Variants in STPG4 observed in about 807,000 individuals in gnomAD.
STPG4 encodes protein STPG4.
A neutral mutation model predicts 31.5 loss-of-function variants in STPG4; 41 were observed. The observed-to-expected ratio is 1.30, with a 90% CI of 1.01 to 1.69. The LOEUF (loss-of-function observed/expected upper bound fraction) is 1.69. Among genes scored for constraint, STPG4 ranks in the 40% most tolerant of loss-of-function variants. The pLI, the probability that STPG4 is intolerant of heterozygous loss-of-function variation, is 0.00. For synonymous variants in STPG4, 141 were observed against 103.0 expected, an observed-to-expected ratio of 1.37 and a Z score of -2.24; for missense variants, 375 against 293.4, an observed-to-expected ratio of 1.28 and a Z score of -2.03.
intron 3 of STPG4, among the ~76,000 whole-genome samples, chr2:47,142,623 C>G (rs1030423793): frequency 2.6e-5 from 4 of 152,094 alleles, no homozygotes; most frequent in Admixed American, 6.5e-5. Flanking sequence ...TGCTCCCTAT[C>G]TAACCTCTAC....
chr2:47,149,732 T>C (rs1286106446), intron 3 of STPG4, among the ~76,000 whole-genome samples: 2 of 152,258 alleles, frequency 1.3e-5, no homozygotes, highest in African/African-American at 4.8e-5. Context: ...GTTATGAAGA[T>C]TGATACTGTT....
At chr2:47,148,694 C>A (rs776592393) in intron 3 of STPG4, among the ~76,000 whole-genome samples, 2 of 152,130 alleles carry the variant, frequency 1.3e-5, no homozygotes, top group Admixed American at 1.3e-4. Context: ...CCCAACTCCA[C>A]GACAGGCTCC....
intron 1 of STPG4, among the ~76,000 whole-genome samples, chr2:47,154,289 C>T (rs1449135068): frequency 6.6e-5 from 10 of 152,146 alleles, no homozygotes; most frequent in Non-Finnish European, 1.5e-5. Flanking sequence ...TACTTCTTCG[C>T]GAGATTTATG....
chr2:47,136,702 T>C (rs1424218402), intron 3 of STPG4, among the ~76,000 whole-genome samples: 1 of 152,220 alleles, frequency 6.6e-6, no homozygotes, highest in African/African-American at 2.4e-5. Flanking sequence ...TTACAATTTC[T>C]AGCCAAATGT....
rs35754025 is a variant in STPG4, at chr2:47,139,401, T to C, written c.400-9141A>G. 7.8e-3 allele frequency among the ~76,000 whole-genome samples: 585 copies of C among 74,836 alleles called. 3 individuals are homozygous for C. The highest frequency in any genetic ancestry group is 0.021 in the Admixed American group (98 of 4,720). 49.1% of individuals were successfully genotyped at this position (74,836 alleles called of 152,430 possible). ...TGTTTGAAACTAATATAGCTTCTCC[T>C]GCTTTATTTTTTTTTTTTCAATTTG... On this transcript the variant is annotated intron_variant, in intron 3 of 6. Coordinates refer to ENST00000445927, the MANE Select transcript of STPG4 (RefSeq NM_001163561.2).
At position 47,151,068 on chromosome 2, in the gene STPG4, T is replaced by TGTTATAGGG. The variant is rs1484356210; in HGVS notation, c.399+181_399+189dup. 2.0e-5 allele frequency among the ~76,000 whole-genome samples: 3 copies of TGTTATAGGG among 152,120 alleles called. No homozygotes were observed. In the East Asian group the frequency reaches 5.8e-4, roughly 29 times the overall value. On this transcript the variant is annotated intron_variant, in intron 3 of 6. Coordinates refer to ENST00000445927, the MANE Select transcript of STPG4 (RefSeq NM_001163561.2). ...ATGTACTCCCCTTAGGTTAAGAAGA[T>TGTTATAGGG]GTTATAGGGAAAAATCTTACTGGAA...
At chr2:47,092,363 C>G (rs58263185) in intron 5 of STPG4, among the ~76,000 whole-genome samples, 57,328 of 145,908 alleles carry the variant, frequency 0.39, 12,439 homozygotes, top group Middle Eastern at 0.54. Context: ...GACCTTGTCT[C>G]TAAAAAATAT....
intron 3 of STPG4, among the ~76,000 whole-genome samples, chr2:47,133,813 G>A (rs1368295519): frequency 6.6e-6 from 1 of 151,914 alleles, no homozygotes; most frequent in Non-Finnish European, 1.5e-5. Context: ...CCGACCTCAG[G>A]TGATCCACCC....
At chr2:47,134,227 A>C (rs1013266967) in intron 3 of STPG4, among the ~76,000 whole-genome samples, 1 of 152,226 alleles carries the variant, frequency 6.6e-6, no homozygotes, top group Admixed American at 6.5e-5. Context: ...CTCAAAGTCC[A>C]TATGTTACAT....
chr2:47,149,419 A>C (rs937109315), intron 3 of STPG4, among the ~76,000 whole-genome samples: 5 of 152,236 alleles, frequency 3.3e-5, no homozygotes, highest in Non-Finnish European at 7.3e-5. Context: ...TTTGCATTTG[A>C]GATAGCCAGA....
intron 3 of STPG4, among the ~76,000 whole-genome samples, chr2:47,134,743 T>TA (rs1401920908): frequency 3.3e-5 from 5 of 152,306 alleles, no homozygotes; most frequent in Admixed American, 2.0e-4. Context: ...TGCTGGATCT[T>TA]ATGTAAGAGT....
At position 47,128,692 on chromosome 2, in the gene STPG4, C is replaced by T. The variant is rs376302405; in HGVS notation, c.519+1249G>A. On this transcript the variant is annotated intron_variant, in intron 5 of 6. Coordinates refer to ENST00000445927, the MANE Select transcript of STPG4 (RefSeq NM_001163561.2). Reference sequence around the variant, plus strand: ...TCTCTCCCTTCAGGGCAGTGGGCTCCCCTCTGGCCCAGTGGGAGTCCAGAA... The same window carrying T: ...TCTCTCCCTTCAGGGCAGTGGGCTCTCCTCTGGCCCAGTGGGAGTCCAGAA... Among the ~76,000 whole-genome samples the T allele has an allele frequency of 3.3e-5, 5 of 152,074 alleles. No individual in the cohort carries two copies. In the East Asian group the frequency reaches 7.7e-4, roughly 24 times the overall value.
chr2:47,087,242 A>G, intron 6 of STPG4, 112 bp from the exon 7 acceptor site: 1 of 1,237,324 alleles, frequency 8.1e-7, no homozygotes, highest in South Asian at 1.4e-5. Flanking sequence ...AAGGATGAAG[A>G]CCAGGGCCAC....
intron 3 of STPG4, among the ~76,000 whole-genome samples, chr2:47,132,344 T>C (rs1409338077): frequency 6.6e-6 from 1 of 152,158 alleles, no homozygotes; most frequent in Non-Finnish European, 1.5e-5. Context: ...ATTATTTTTA[T>C]GTCAGATTTT....
At chr2:47,104,110 A>G (rs1685854339) in intron 5 of STPG4, among the ~76,000 whole-genome samples, 1 of 151,962 alleles carries the variant, frequency 6.6e-6, no homozygotes, top group South Asian at 2.1e-4. Flanking sequence ...TATGGGGAAC[A>G]AGTTACCCAT....
intron 5 of STPG4, among the ~76,000 whole-genome samples, chr2:47,093,959 T>G (rs1685622807): frequency 6.6e-6 from 1 of 152,184 alleles, no homozygotes. Flanking sequence ...GAGGACGGCT[T>G]GAGTGGACAG....
intron 3 of STPG4, among the ~76,000 whole-genome samples, chr2:47,139,021 C>G (rs1180114714): frequency 6.6e-6 from 1 of 152,190 alleles, no homozygotes; most frequent in Non-Finnish European, 1.5e-5. Context: ...AATGTGATCT[C>G]TCTTGGTGAA....
intron 3 of STPG4, among the ~76,000 whole-genome samples, chr2:47,146,072 T>A (rs572983825): frequency 1.3e-3 from 191 of 152,240 alleles, no homozygotes; most frequent in Non-Finnish European, 2.3e-3. Flanking sequence ...AAGTTCAAGA[T>A]ACAGCCAAAA....
intron 5 of STPG4, among the ~76,000 whole-genome samples, chr2:47,092,267 C>T (rs1409876875): frequency 1.3e-4 from 19 of 149,684 alleles, no homozygotes; most frequent in South Asian, 6.4e-4. Flanking sequence ...TGGTGGCTCA[C>T]GCCTGTAATC....
Sources: gnomAD v4.1 joint callset for allele counts (sites outside exome capture counted in the v4.1 genomes callset) on GRCh38, gnomAD v4.1.1 for gene constraint, MANE v1.5 for transcripts, NCBI Gene and HGNC (gene_info 2026-07-23, HGNC 2026-07-21) for gene names.